The following XRCC5 variants were observed in gnomAD, a reference collection of about 807,000 sequenced individuals.
XRCC5 encodes the protein DNA repair protein Ku80.
Under a neutral mutation model 95.7 loss-of-function variants are expected in XRCC5, and 12 were observed. The observed-to-expected ratio is 0.13, with a 90% CI of 0.08 to 0.20. The LOEUF (loss-of-function observed/expected upper bound fraction) is 0.20. Among genes scored for constraint, XRCC5 ranks in the 10% least tolerant of loss-of-function variants. The pLI, the probability that XRCC5 is intolerant of heterozygous loss-of-function variation, is 1.00. For missense variants in XRCC5, 595 were observed against 873.9 expected, an observed-to-expected ratio of 0.68 and a Z score of 4.02; for synonymous variants, 281 against 290.3, an observed-to-expected ratio of 0.97 and a Z score of 0.33.
In XRCC5 at chr2:216,132,245, T is replaced by C. The variant is rs548571362; in HGVS notation, c.1051-80T>C. 1.7e-4 allele frequency: 232 copies of C among 1,355,092 alleles called. 2 individuals are homozygous for C. In the Middle Eastern group the frequency reaches 2.3e-3, roughly 14 times the overall value. The allele number at this position is 1,355,092 out of a possible 1,614,324, so 83.9% of individuals were successfully genotyped here. A position where few individuals can be genotyped will look rare whatever the true frequency, so the allele number is the denominator to read the frequency against. On this transcript the variant is annotated intron_variant, in intron 9 of 20. Transcript: ENST00000392132. ...TGTTTTTCAGTAAGAGGATTTTGAATGGAATTTCTTGGCAATGTGTGTCAT... is the reference window on the plus strand; with the variant it reads ...TGTTTTTCAGTAAGAGGATTTTGAACGGAATTTCTTGGCAATGTGTGTCAT...
chr2:216,132,031 C>G (rs1430381848), intron 9 of XRCC5, among the ~76,000 whole-genome samples: 1 of 152,196 alleles, frequency 6.6e-6, no homozygotes, highest in Non-Finnish European at 1.5e-5. Flanking sequence ...CCATGTAACC[C>G]TGGACCATAA....
intron 16 of XRCC5, among the ~76,000 whole-genome samples, chr2:216,177,530 AATC>A (rs1173580343): frequency 1.3e-5 from 2 of 152,166 alleles, no homozygotes; most frequent in African/African-American, 2.4e-5. Flanking sequence ...TCGAGGGAAA[AATC>A]ATATTAGTAG....
At chr2:216,192,964 T>C (rs1453250892) in intron 18 of XRCC5, among the ~76,000 whole-genome samples, 1 of 152,138 alleles carries the variant, frequency 6.6e-6, no homozygotes, top group Non-Finnish European at 1.5e-5. Flanking sequence ...AACATGTAAG[T>C]TCCATCTTAG....
At chr2:216,140,002 G>A (rs538552058) in intron 12 of XRCC5, among the ~76,000 whole-genome samples, 25 of 152,296 alleles carry the variant, frequency 1.6e-4, no homozygotes, top group Non-Finnish European at 2.6e-4. Context: ...GGAATGCAAT[G>A]CCAGGATGAT....
intron 13 of XRCC5, among the ~76,000 whole-genome samples, chr2:216,142,053 T>G (rs1697181459): frequency 6.6e-6 from 1 of 151,862 alleles, no homozygotes; most frequent in African/African-American, 2.4e-5. Flanking sequence ...GACCGAGTCT[T>G]TAAAAAAAAA....
intron 12 of XRCC5, among the ~76,000 whole-genome samples, chr2:216,139,273 G>A (rs921910399): frequency 5.9e-5 from 9 of 151,622 alleles, no homozygotes; most frequent in African/African-American, 2.2e-4. Context: ...TGCTGATAAA[G>A]ACATACCCGA....
At chr2:216,195,973 G>A (rs1319889218) in intron 19 of XRCC5, among the ~76,000 whole-genome samples, 2 of 152,054 alleles carry the variant, frequency 1.3e-5, no homozygotes, top group Non-Finnish European at 1.5e-5. Flanking sequence ...GGGAAGCAAC[G>A]GAGACTCAGA....
chr2:216,141,068 G>T, intron 12 of XRCC5, 118 bp from the exon 13 acceptor site: 1 of 1,163,928 alleles, frequency 8.6e-7, no homozygotes. Flanking sequence ...AGAATACTTT[G>T]GCAGGGCCAG....
intron 14 of XRCC5, among the ~76,000 whole-genome samples, chr2:216,150,406 T>G (rs1444669994): frequency 6.6e-6 from 1 of 152,206 alleles, no homozygotes; most frequent in African/African-American, 2.4e-5. Flanking sequence ...CATCCTTCAC[T>G]TAACGACAGG....
rs773839191 is a variant in XRCC5, at chr2:216,192,664, A to G, written c.1970A>G (p.Asn657Ser). The change falls in exon 18 of 21, where the codon AAC becomes AGC. Residue 657 changes from asparagine to serine, a missense_variant. Physicochemically the swap from Asn to Ser is conservative, Grantham distance 46. This residue lies in a region of XRCC5 where 309 missense variants were observed against 382.9 expected (regional missense o/e 0.81). Coordinates refer to ENST00000392132, the MANE Select transcript of XRCC5 (RefSeq NM_021141.4). ...IKFSEEQRFN[N>S]FLKALQEKVE... ...TTTTCAGAAGAGCAGCGCTTTAACA[A>G]CTTCCTGAAAGCCCTTCAAGAGAAA... The G allele has an allele frequency of 5.4e-5, 86 of 1,597,900 alleles. No homozygotes were observed. In the South Asian group the frequency reaches 9.2e-4, roughly 17 times the overall value.
At chr2:216,119,212 A>G in intron 5 of XRCC5, 47 bp downstream of exon 5, 1 of 1,605,844 alleles carries the variant, frequency 6.2e-7, no homozygotes, top group South Asian at 1.1e-5. Context: ...ATGATTTCCT[A>G]ATATAGTGAA....
intron 9 of XRCC5, among the ~76,000 whole-genome samples, chr2:216,131,425 C>T (rs1171053867): frequency 1.3e-5 from 2 of 152,112 alleles, no homozygotes; most frequent in African/African-American, 4.8e-5. Flanking sequence ...CCGCAGGCTC[C>T]AGATTTCATA....
chr2:216,137,443 G>A (rs1033240646), intron 11 of XRCC5, among the ~76,000 whole-genome samples: 2 of 152,054 alleles, frequency 1.3e-5, no homozygotes, highest in Admixed American at 6.5e-5. Context: ...AAAAGTATAC[G>A]TTATAAAAAT....
At chr2:216,136,979 T>TA (rs1697092591) in intron 10 of XRCC5, 109 bp from the exon 11 acceptor site, 1 of 1,373,974 alleles carries the variant, frequency 7.3e-7, no homozygotes. Context: ...GGGGGCACCC[T>TA]AAAAAATGTA....
chr2:216,110,826 C>G (rs1243805557), intron 1 of XRCC5, among the ~76,000 whole-genome samples: 3 of 151,828 alleles, frequency 2.0e-5, no homozygotes, highest in Admixed American at 6.6e-5. Flanking sequence ...TTATCATGCC[C>G]CAGGCATTGA....
At chr2:216,171,010 T>G (rs1257875351) in intron 16 of XRCC5, among the ~76,000 whole-genome samples, 1 of 152,188 alleles carries the variant, frequency 6.6e-6, no homozygotes, top group Non-Finnish European at 1.5e-5. Context: ...GAAACCGGTT[T>G]CAGATTGTGC....
chr2:216,150,802 T>C (rs1344747874), intron 14 of XRCC5, among the ~76,000 whole-genome samples: 3 of 151,972 alleles, frequency 2.0e-5, no homozygotes, highest in African/African-American at 7.2e-5. Context: ...GACAGGAGAA[T>C]CTCTTGAACC....
chr2:216,175,282 T>G (rs936223540), intron 16 of XRCC5: 11 of 439,712 alleles, frequency 2.5e-5, no homozygotes, highest in Non-Finnish European at 4.0e-5. Context: ...TGCCACCACC[T>G]CTACTTCTAC....
chr2:216,114,276 G>T (rs1286992127), intron 2 of XRCC5, among the ~76,000 whole-genome samples: 2 of 151,974 alleles, frequency 1.3e-5, no homozygotes, highest in Non-Finnish European at 2.9e-5. Flanking sequence ...GTCTACTGCT[G>T]CTCCTCCTGG....
Sources: gnomAD v4.1 joint callset for allele counts (sites outside exome capture counted in the v4.1 genomes callset) on GRCh38, gnomAD v4.1.1 for gene constraint, gnomAD v4.1.1 regional missense constraint, MANE v1.5 for transcripts, NCBI Gene and HGNC (gene_info 2026-07-23, HGNC 2026-07-21) for gene names.